The following CDH13 variants were observed in gnomAD, a reference collection of about 807,000 sequenced individuals.
The protein encoded by CDH13 is cadherin-13.
A neutral mutation model predicts 63.8 loss-of-function variants in CDH13; 24 were observed. That is an observed-to-expected ratio of 0.38 (90% CI 0.27 to 0.53). The LOEUF (loss-of-function observed/expected upper bound fraction) is 0.53. CDH13 is among the 20% of genes least tolerant of loss of function. The pLI is 0.85. For synonymous variants in CDH13, 503 were observed against 355.3 expected (o/e 1.42, Z -4.67); for missense variants, 1,049 against 903.1 (o/e 1.16, Z -2.07).
At chr16:82,677,793 C>T (rs978629664) in intron 1 of CDH13, among the ~76,000 whole-genome samples, 2 of 152,160 alleles carry the variant, frequency 1.3e-5, no homozygotes, top group South Asian at 4.1e-4. Flanking sequence ...TCCAATTTTT[C>T]TCCTCTTTTT....
chr16:83,354,758 G>C (rs1450270610), intron 6 of CDH13, among the ~76,000 whole-genome samples: 1 of 152,170 alleles, frequency 6.6e-6, no homozygotes, highest in Non-Finnish European at 1.5e-5. Flanking sequence ...GTGAGACAGG[G>C]AGATGGGCAA....
chr16:83,316,069 G>A (rs142761072), intron 5 of CDH13, among the ~76,000 whole-genome samples: 265 of 152,252 alleles, frequency 1.7e-3, no homozygotes, highest in Admixed American at 7.5e-3. Context: ...AAGGAAACAC[G>A]TCCTTCACAT....
intron 1 of CDH13, among the ~76,000 whole-genome samples, chr16:82,743,612 A>T (rs1375784573): frequency 1.3e-5 from 2 of 152,224 alleles, no homozygotes; most frequent in African/African-American, 4.8e-5. Context: ...GACAGAGAAT[A>T]GACATACCTT....
intron 2 of CDH13, among the ~76,000 whole-genome samples, chr16:82,904,778 C>A (rs1038066438): frequency 1.3e-5 from 2 of 152,184 alleles, no homozygotes; most frequent in African/African-American, 4.8e-5. Context: ...CTGCTTCTGG[C>A]CAGCTGGGTG....
At chr16:83,179,279 C>G (rs1025488654) in intron 4 of CDH13, among the ~76,000 whole-genome samples, 2 of 152,080 alleles carry the variant, frequency 1.3e-5, no homozygotes, top group Admixed American at 6.6e-5. Flanking sequence ...GTCCCTAGCA[C>G]TACAAGCTAT....
Position 82,850,230 on chromosome 16 carries a change from G to GA in CDH13, c.46-8132_46-8131insA, listed in dbSNP as rs202018882. Among the ~76,000 whole-genome samples the GA allele has an allele frequency of 2.8e-4, 43 of 152,016 alleles. No individual in the cohort carries two copies. The East Asian group carries it at 6.8e-3, about 24-fold the overall frequency. ...ACTAAGAACATTTGTGATTCATGGG[G>GA]GGTGGTTAAAATGTCAAAAATAACA... On this transcript the variant is annotated intron_variant, in intron 1 of 13. Transcript: ENST00000567109.
intron 8 of CDH13, among the ~76,000 whole-genome samples, chr16:83,620,388 T>TG (rs1473709253): frequency 3.8e-5 from 1 of 26,058 alleles, no homozygotes; most frequent in Non-Finnish European, 7.7e-5. Flanking sequence ...AGACTCCGTC[T>TG]CAAAAAAAAA....
intron 1 of CDH13, among the ~76,000 whole-genome samples, chr16:82,722,332 C>T (rs1203909437): frequency 4.6e-5 from 7 of 152,132 alleles, no homozygotes. Context: ...ATGGTGACTT[C>T]ACTCTCAGGC....
At position 82,804,407 on chromosome 16, in the gene CDH13, T is replaced by C. The variant is rs1015320812; in HGVS notation, c.46-53955T>C. 3.9e-5 allele frequency among the ~76,000 whole-genome samples: 6 copies of C among 152,274 alleles called. No individual in the cohort carries two copies. In the South Asian group the frequency reaches 8.3e-4, roughly 21 times the overall value. ...TTGTGGTGATGGTATCACAGGTATA[T>C]GCATATATAAAACATATCAAATTGT... On this transcript the variant is annotated intron_variant, in intron 1 of 13. Coordinates refer to ENST00000567109, the MANE Select transcript of CDH13 (RefSeq NM_001257.5).
chr16:82,963,859 G>A (rs1013867429), intron 2 of CDH13, among the ~76,000 whole-genome samples: 3 of 152,116 alleles, frequency 2.0e-5, no homozygotes, highest in African/African-American at 4.8e-5. Flanking sequence ...ATGATCCTAC[G>A]GGAGCAATGG....
chr16:82,691,116 G>A (rs1195325153), intron 1 of CDH13, among the ~76,000 whole-genome samples: 1 of 152,192 alleles, frequency 6.6e-6, no homozygotes, highest in East Asian at 1.9e-4. Context: ...CGCTGCACTG[G>A]ACTCAGAGAT....
intron 10 of CDH13, among the ~76,000 whole-genome samples, chr16:83,740,322 G>GTTAA (rs1911942546): frequency 6.6e-6 from 1 of 151,920 alleles, no homozygotes; most frequent in Non-Finnish European, 1.5e-5. Context: ...AACACTGGCT[G>GTTAA]CTCTTTGGAG....
intron 6 of CDH13, among the ~76,000 whole-genome samples, chr16:83,431,354 G>A (rs2072100952): frequency 6.6e-6 from 1 of 151,756 alleles, no homozygotes; most frequent in South Asian, 2.1e-4. Context: ...GTTCTTTTAC[G>A]ATCCTGGTCC....
chr16:83,141,188 T>A (rs1231173043), intron 4 of CDH13, among the ~76,000 whole-genome samples: 2 of 152,186 alleles, frequency 1.3e-5, no homozygotes, highest in African/African-American at 4.8e-5. Flanking sequence ...GGTGGCCTGC[T>A]CCAAATACCT....
intron 6 of CDH13, among the ~76,000 whole-genome samples, chr16:83,360,217 C>T (rs2091135970): frequency 6.6e-6 from 1 of 152,194 alleles, no homozygotes; most frequent in Non-Finnish European, 1.5e-5. Context: ...CACCATTCTT[C>T]GTCAAGATTA....
chr16:83,043,490 AG>A (rs1917506121), intron 3 of CDH13, among the ~76,000 whole-genome samples: 1 of 132,098 alleles, frequency 7.6e-6, no homozygotes, highest in African/African-American at 2.6e-5. Context: ...TGTATATATG[AG>A]TGTGTGTGTG....
chr16:83,659,282 T>C (rs375967477), intron 8 of CDH13, among the ~76,000 whole-genome samples: 1 of 147,240 alleles, frequency 6.8e-6, no homozygotes. Context: ...CAAGGTCTCA[T>C]GTCCTCACCA....
chr16:82,933,782 A>C (rs549098750), intron 2 of CDH13, among the ~76,000 whole-genome samples: 1 of 152,372 alleles, frequency 6.6e-6, no homozygotes, highest in East Asian at 1.9e-4. Context: ...GGATCCGGGC[A>C]AGTCTGAAAT....
At chr16:83,446,824 A>G (rs2072702124) in intron 6 of CDH13, among the ~76,000 whole-genome samples, 1 of 152,112 alleles carries the variant, frequency 6.6e-6, no homozygotes. Context: ...TAACAAATCC[A>G]AAGTCTTTAA....
Sources: gnomAD v4.1 joint callset for allele counts (sites outside exome capture counted in the v4.1 genomes callset) on GRCh38, gnomAD v4.1.1 for gene constraint, MANE v1.5 for transcripts, NCBI Gene and HGNC (gene_info 2026-07-23, HGNC 2026-07-21) for gene names.